The following MYO3A variants were observed in gnomAD, a reference collection of about 807,000 sequenced individuals.
The protein encoded by MYO3A is myosin-IIIa.
In MYO3A, 180 loss-of-function variants were observed where a neutral mutation model predicts 192.7. That is an observed-to-expected ratio of 0.93 (90% CI 0.83 to 1.06). The LOEUF (loss-of-function observed/expected upper bound fraction) is 1.06, where lower values mean the gene tolerates loss of function less well. Among genes scored for constraint, MYO3A ranks in the 50% least tolerant of loss-of-function variants. MYO3A has a pLI of 0.00. For missense variants in MYO3A, 1,896 were observed against 1,905.0 expected (o/e 1.00, Z 0.09); for synonymous variants, 628 against 645.3 (o/e 0.97, Z 0.41).
intron 2 of MYO3A, among the ~76,000 whole-genome samples, chr10:25,940,896 G>A (rs1417594779): frequency 6.6e-6 from 1 of 152,132 alleles, no homozygotes; most frequent in Non-Finnish European, 1.5e-5. Context: ...ATATATAAGT[G>A]TGGATTTCTT....
intron 17 of MYO3A, among the ~76,000 whole-genome samples, chr10:26,119,827 A>G (rs1040322359): frequency 6.6e-6 from 1 of 152,176 alleles, no homozygotes; most frequent in Non-Finnish European, 1.5e-5. Context: ...ATGTTAAAGA[A>G]GTAATAACTA....
At chr10:25,968,831 G>A (rs1416862) in intron 4 of MYO3A, among the ~76,000 whole-genome samples, 101,910 of 152,188 alleles carry the variant, frequency 0.67, 34,581 homozygotes, top group African/African-American at 0.77. Flanking sequence ...ATCTTCTTGT[G>A]CAGCATATCT....
At chr10:26,192,802 C>T (rs1843214450) in intron 31 of MYO3A, among the ~76,000 whole-genome samples, 1 of 151,820 alleles carries the variant, frequency 6.6e-6, no homozygotes, top group Admixed American at 6.6e-5. Context: ...TACGGGTGCC[C>T]ACCACCACGC....
rs1470958693 is a variant in MYO3A, at chr10:25,991,752, A to G, written c.304-4738A>G. Among the ~76,000 whole-genome samples the G allele has an allele frequency of 2.6e-5, 4 of 152,274 alleles. No homozygotes were observed. The East Asian group carries it at 7.7e-4, about 29-fold the overall frequency. On this transcript the variant is annotated intron_variant, in intron 4 of 34. Coordinates refer to ENST00000642920, the MANE Select transcript of MYO3A (RefSeq NM_017433.5). The stretch of plus-strand genomic sequence containing the variant: ...CATATGACTAGCCAGTTTTCCCAGC[A>G]CCATTTGTTAAATAGGGAATCCTTT...
chr10:26,154,205 G>A (rs1344393058), intron 24 of MYO3A, among the ~76,000 whole-genome samples: 1 of 152,006 alleles, frequency 6.6e-6, no homozygotes, highest in Non-Finnish European at 1.5e-5. Flanking sequence ...TTTTGAGACT[G>A]GAGTCTCACT....
chr10:26,121,381 A>T (rs1362188551), intron 18 of MYO3A, among the ~76,000 whole-genome samples: 1 of 152,084 alleles, frequency 6.6e-6, no homozygotes, highest in Non-Finnish European at 1.5e-5. Context: ...GTTGCCTAGT[A>T]TGCCCTGTTA....
At chr10:26,084,071 T>C (rs534926534) in intron 14 of MYO3A, among the ~76,000 whole-genome samples, 1 of 152,366 alleles carries the variant, frequency 6.6e-6, no homozygotes, top group African/African-American at 2.4e-5. Context: ...TTATGAGTTA[T>C]ACCTTAGTAA....
chr10:25,950,384 TAG>T (rs1426568291), intron 2 of MYO3A, among the ~76,000 whole-genome samples: 1 of 152,144 alleles, frequency 6.6e-6, no homozygotes, highest in East Asian at 1.9e-4. Flanking sequence ...GAACAATTTG[TAG>T]AGAGACAAAT....
At chr10:25,984,987 C>A (rs976685674) in intron 4 of MYO3A, among the ~76,000 whole-genome samples, 1 of 152,136 alleles carries the variant, frequency 6.6e-6, no homozygotes, top group African/African-American at 2.4e-5. Context: ...CCTGTAATCC[C>A]GGCACTTTGG....
rs150133291 is a variant in MYO3A at position 26,203,022 on chromosome 10, T to G, written c.4645T>G (p.Ser1549Ala). ...FYYKEFLPSRSGPKEHSPSLR... is the reference protein window; with the variant it reads ...FYYKEFLPSRAGPKEHSPSLR... ...TTATAAGGAATTTTTGCCCAGTCGT[T>G]CTGGACCAAAGGAACATAGCCCTAG... Residue 1549 changes from serine to alanine, a missense_variant, in exon 34 of 35, where the codon TCT becomes GCT. Ser to Ala is a moderately conservative substitution (Grantham distance 99, BLOSUM62 1). Coordinates refer to ENST00000642920, the MANE Select transcript of MYO3A (RefSeq NM_017433.5). 4.3e-6 allele frequency: 7 copies of G among 1,613,706 alleles called. No individual in the cohort carries two copies. The African/African-American group carries it at 9.3e-5, about 22-fold the overall frequency.
At chr10:26,063,852 G>A (rs1006525215) in intron 10 of MYO3A, among the ~76,000 whole-genome samples, 4 of 152,156 alleles carry the variant, frequency 2.6e-5, no homozygotes, top group African/African-American at 9.7e-5. Flanking sequence ...CGTATTTTCT[G>A]GCAAATACAC....
chr10:26,201,942 G>T (rs1843695504), intron 33 of MYO3A, among the ~76,000 whole-genome samples: 1 of 152,046 alleles, frequency 6.6e-6, no homozygotes, highest in African/African-American at 2.4e-5. Context: ...CTGTATTCAT[G>T]AATTTCCTTT....
chr10:26,027,488 G>A (rs968804997), intron 10 of MYO3A, among the ~76,000 whole-genome samples: 2 of 151,966 alleles, frequency 1.3e-5, no homozygotes, highest in African/African-American at 4.8e-5. Flanking sequence ...GGGACTATAG[G>A]CATGTACCAC....
At chr10:26,209,563 T>C (rs766541350) in intron 34 of MYO3A, among the ~76,000 whole-genome samples, 41 of 152,224 alleles carry the variant, frequency 2.7e-4, no homozygotes, top group Non-Finnish European at 5.6e-4. Context: ...AGGTTAACAG[T>C]GACCTCCGTT....
rs746774475 is a variant in MYO3A, at chr10:26,166,219, G to T, written c.3111+41G>T. The T allele has an allele frequency of 7.5e-6, 11 of 1,459,442 alleles. No individual in the cohort carries two copies. In the Admixed American group the frequency reaches 1.7e-4, roughly 22 times the overall value. 90.4% of individuals were successfully genotyped at this position (1,459,442 alleles called of 1,614,324 possible). On this transcript the variant is annotated intron_variant, in intron 27 of 34. Transcript: ENST00000642920. ...AATTTTCAGGAAAATAAATAATTAT[G>T]CTGGGTTCACTGAGAATTGTAACAT...
chr10:26,158,926 T>G (rs1428187923), intron 26 of MYO3A, among the ~76,000 whole-genome samples: 1 of 152,188 alleles, frequency 6.6e-6, no homozygotes, highest in Non-Finnish European at 1.5e-5. Flanking sequence ...CCGTAAAACT[T>G]TATGCATTTT....
intron 10 of MYO3A, among the ~76,000 whole-genome samples, chr10:26,062,530 A>AAAAAAAAAAAAAAAAAAAG (rs1554816581): frequency 7.9e-6 from 1 of 125,946 alleles, no homozygotes; most frequent in Admixed American, 8.2e-5. Flanking sequence ...AAAAAAAAAA[A>AAAAAAAAAAAAAAAAAAAG]AAATTATGGA....
At chr10:25,959,314 T>C (rs1258753230) in intron 4 of MYO3A, among the ~76,000 whole-genome samples, 1 of 152,168 alleles carries the variant, frequency 6.6e-6, no homozygotes, top group East Asian at 1.9e-4. Flanking sequence ...ATCATTGTTA[T>C]GTTTTTCAAA....
chr10:26,172,258 C>A (rs903889028), intron 29 of MYO3A, among the ~76,000 whole-genome samples: 1 of 152,234 alleles, frequency 6.6e-6, no homozygotes, highest in Non-Finnish European at 1.5e-5. Context: ...TTCACTTAAC[C>A]ATTCCCTGTC....
Sources: allele counts gnomAD v4.1 joint callset (sites outside exome capture counted in the v4.1 genomes callset), GRCh38; gene constraint gnomAD v4.1.1; transcripts MANE v1.5; gene names NCBI Gene and HGNC (gene_info 2026-07-23, HGNC 2026-07-21).